LRCH1: variants seen among roughly 807,000 people sequenced by gnomAD.
The protein encoded by LRCH1 is leucine-rich repeat and calponin homology domain-containing protein 1.
In LRCH1, 23 loss-of-function variants were observed where a neutral mutation model predicts 94.9. The ratio of observed to expected loss-of-function variants is 0.24; its 90% confidence interval spans 0.17 to 0.34. The LOEUF is 0.34. Ranked by LOEUF, LRCH1 falls within the 10% of genes least tolerant of loss-of-function variation. LRCH1 has a pLI of 1.00. For synonymous variants in LRCH1, 364 were observed against 354.9 expected (o/e 1.03, Z -0.29); for missense variants, 790 against 945.9 (o/e 0.84, Z 2.16).
At chr13:46,705,332 C>T (rs1871701299) in intron 13 of LRCH1, 28 bp downstream of exon 13, 1 of 1,604,234 alleles carries the variant, frequency 6.2e-7, no homozygotes. Flanking sequence ...TTCACCAGAA[C>T]TCTGTGCAAT....
At chr13:46,570,825 T>G (rs2050233167) in intron 1 of LRCH1, among the ~76,000 whole-genome samples, 1 of 152,226 alleles carries the variant, frequency 6.6e-6, no homozygotes, top group African/African-American at 2.4e-5. Flanking sequence ...AGAGATTTAC[T>G]TGAGGGATTC....
chr13:46,626,237 A>G (rs2050947727), intron 1 of LRCH1, among the ~76,000 whole-genome samples: 1 of 152,300 alleles, frequency 6.6e-6, no homozygotes, highest in Non-Finnish European at 1.5e-5. Flanking sequence ...TTTCCAAAGC[A>G]TAGTCCCTTG....
At chr13:46,567,420 C>A (rs2050195898) in intron 1 of LRCH1, among the ~76,000 whole-genome samples, 1 of 151,310 alleles carries the variant, frequency 6.6e-6, no homozygotes, top group Non-Finnish European at 1.5e-5. Context: ...CAATTGACGG[C>A]AAATAGATCT....
chr13:46,674,858 C>T (rs754424757), intron 3 of LRCH1, among the ~76,000 whole-genome samples: 7 of 152,314 alleles, frequency 4.6e-5, no homozygotes, highest in African/African-American at 9.6e-5. Flanking sequence ...TTTTAATCAG[C>T]GTCCTCACCA....
chr13:46,561,692 A>C (rs748812364), intron 1 of LRCH1, among the ~76,000 whole-genome samples: 2 of 152,190 alleles, frequency 1.3e-5, no homozygotes, highest in Non-Finnish European at 2.9e-5. Flanking sequence ...AGACAGCACC[A>C]TCAACACACT....
At chr13:46,665,690 A>G (rs1224462175) in intron 2 of LRCH1, among the ~76,000 whole-genome samples, 1 of 152,140 alleles carries the variant, frequency 6.6e-6, no homozygotes, top group African/African-American at 2.4e-5. Context: ...GTGGGGGTGT[A>G]GACTTGGCTC....
intron 1 of LRCH1, among the ~76,000 whole-genome samples, chr13:46,644,881 A>C (rs1365587620): frequency 6.6e-6 from 1 of 152,238 alleles, no homozygotes; most frequent in Non-Finnish European, 1.5e-5. Context: ...AAGAATTAAA[A>C]GAGATCAGAC....
chr13:46,645,665 C>T (rs921881244), intron 1 of LRCH1, among the ~76,000 whole-genome samples: 1 of 150,954 alleles, frequency 6.6e-6, no homozygotes, highest in Non-Finnish European at 1.5e-5. Flanking sequence ...CTCAGGTGGT[C>T]GTAGATTTAG....
At chr13:46,738,190 G>C (rs1873481442) in intron 19 of LRCH1, among the ~76,000 whole-genome samples, 1 of 152,220 alleles carries the variant, frequency 6.6e-6, no homozygotes. Flanking sequence ...TCAGCTTAGG[G>C]CTCCTTCCTG....
chr13:46,697,322 G>A (rs758004052), intron 9 of LRCH1, among the ~76,000 whole-genome samples: 3 of 152,132 alleles, frequency 2.0e-5, no homozygotes, highest in Admixed American at 6.5e-5. Flanking sequence ...TCTGTTTAAA[G>A]ATACCTTATT....
rs1225266189 is a variant in LRCH1, at chr13:46,584,401, T to A, written c.307+30698T>A. ...CAGGCCTCACCCAAGGCCTCATGAA[T>A]CAGAGTCTGTATTTTAACAAGATTT... On this transcript the variant is annotated intron_variant, in intron 1 of 19. Transcript: ENST00000389797. 3.3e-5 allele frequency among the ~76,000 whole-genome samples: 5 copies of A among 152,204 alleles called. No homozygotes were observed. The East Asian group carries it at 7.7e-4, about 23-fold the overall frequency.
Position 46,687,907 on chromosome 13 carries a change from A to G in LRCH1, c.878A>G (p.Gln293Arg), listed in dbSNP as rs757298560. Residue 293 changes from glutamine to arginine, a missense_variant, in exon 6 of 20, where the codon CAG (glutamine) becomes CGG (arginine). By Grantham distance (43) the Gln-to-Arg change is conservative. Around this residue, in one of 3 missense-constraint regions of LRCH1, gnomAD observed 194 missense variants for 293.5 expected, o/e 0.66. Coordinates refer to ENST00000389797, the MANE Select transcript of LRCH1 (RefSeq NM_001164211.2). Reference sequence around the variant, plus strand: ...AAGTATCTGAGCATACAAGCATGCCAGATTAAGACAGCTGACTCCCTTTAT... The same window carrying G: ...AAGTATCTGAGCATACAAGCATGCCGGATTAAGACAGCTGACTCCCTTTAT... Reference protein sequence around the residue: ...IFKYLSIQACQIKTADSLYLH... With the variant: ...IFKYLSIQACRIKTADSLYLH... The G allele has an allele frequency of 3.1e-6, 5 of 1,613,558 alleles. No individual in the cohort carries two copies. In the South Asian group the frequency reaches 5.5e-5, roughly 18 times the overall value.
rs539098669 is a variant in LRCH1 at position 46,659,568 on chromosome 13, G to A, written c.452+9223G>A. 3.9e-5 allele frequency among the ~76,000 whole-genome samples: 6 copies of A among 152,210 alleles called. No individual in the cohort carries two copies. In the East Asian group the frequency reaches 1.2e-3, roughly 29 times the overall value. On this transcript the variant is annotated intron_variant, in intron 2 of 19. Coordinates refer to ENST00000389797, the MANE Select transcript of LRCH1 (RefSeq NM_001164211.2). ...AACTATTGGAACAGGTCTGTAAGTA[G>A]CAAAAAACCAAAAAGAACGAAAAGA...
At chr13:46,737,871 C>G (rs995482996) in intron 19 of LRCH1, among the ~76,000 whole-genome samples, 1 of 152,020 alleles carries the variant, frequency 6.6e-6, no homozygotes, top group Non-Finnish European at 1.5e-5. Context: ...TTTTAGGGCT[C>G]TTATTAGTAT....
chr13:46,725,810 T>A (rs1872786666), intron 17 of LRCH1, among the ~76,000 whole-genome samples: 1 of 152,210 alleles, frequency 6.6e-6, no homozygotes, highest in South Asian at 2.1e-4. Flanking sequence ...CTGGACTATC[T>A]GGATGTGATG....
chr13:46,563,367 G>A (rs1027710464), intron 1 of LRCH1, among the ~76,000 whole-genome samples: 12 of 151,806 alleles, frequency 7.9e-5, no homozygotes, highest in African/African-American at 2.9e-4. Flanking sequence ...TTTAAGTATA[G>A]CTTAGTGATT....
intron 1 of LRCH1, among the ~76,000 whole-genome samples, chr13:46,582,793 G>A (rs771169979): frequency 3.7e-4 from 56 of 150,920 alleles, no homozygotes; most frequent in Non-Finnish European, 7.2e-4. Flanking sequence ...TCGCCGCTGT[G>A]CCCAGCCACA....
intron 3 of LRCH1, among the ~76,000 whole-genome samples, chr13:46,674,499 A>C (rs544040580): frequency 6.6e-6 from 1 of 152,322 alleles, no homozygotes; most frequent in Non-Finnish European, 1.5e-5. Flanking sequence ...TGGCCCCTCC[A>C]GGGTCATTTC....
At chr13:46,560,927 T>C (rs980924537) in intron 1 of LRCH1, among the ~76,000 whole-genome samples, 3 of 152,080 alleles carry the variant, frequency 2.0e-5, no homozygotes, top group Admixed American at 1.3e-4. Flanking sequence ...AAAAATAAAG[T>C]GAGATTGTTT....
Sources: gnomAD v4.1 joint callset for allele counts (sites outside exome capture counted in the v4.1 genomes callset) on GRCh38, gnomAD v4.1.1 for gene constraint, gnomAD v4.1.1 regional missense constraint, MANE v1.5 for transcripts, NCBI Gene and HGNC (gene_info 2026-07-23, HGNC 2026-07-21) for gene names.